USP31: variants seen among roughly 807,000 people sequenced by gnomAD.
The protein encoded by USP31 is ubiquitin specific peptidase 31.
USP31 carries 44 observed loss-of-function variants against 119.4 expected under a neutral mutation model. The ratio of observed to expected loss-of-function variants is 0.37; its 90% CI spans 0.29 to 0.47. The LOEUF is 0.47. USP31 is among the 20% of genes least tolerant of loss of function. USP31 has a pLI of 0.99. For synonymous variants in USP31, 749 were observed against 705.6 expected (o/e 1.06, Z -0.97); for missense variants, 1,643 against 1,730.2 (o/e 0.95, Z 0.89).
chr16:23,139,784 C>T (rs1903300690), intron 1 of USP31, among the ~76,000 whole-genome samples: 1 of 152,176 alleles, frequency 6.6e-6, no homozygotes, highest in Non-Finnish European at 1.5e-5. Context: ...CCCATATATT[C>T]AAATTAAATG....
At chr16:23,125,147 C>T (rs1567244178) in intron 1 of USP31, among the ~76,000 whole-genome samples, 1 of 152,174 alleles carries the variant, frequency 6.6e-6, no homozygotes, top group Non-Finnish European at 1.5e-5. Flanking sequence ...AAAATGTTTT[C>T]ACCACTCAGG....
Position 23,065,533 on chromosome 16 carries a change from A to G in USP31, c.*2513T>C, listed in dbSNP as rs1900031296. On this transcript the variant is annotated 3_prime_UTR_variant, in exon 16 of 16. Transcript: ENST00000219689. ...ATGAAATTTTCACTGTTTACCAACT[A>G]TGGAAATAAAATAGCTTCATGATGT... The G allele has an allele frequency of 6.6e-6, 1 of 152,616 alleles. No individual in the cohort carries two copies. The allele number at this position is 152,616 out of a possible 1,614,324, so 9.5% of individuals were successfully genotyped here.
intron 2 of USP31, 66 bp from the exon 3 acceptor site, chr16:23,106,553 A>G: frequency 6.9e-7 from 1 of 1,442,418 alleles, no homozygotes; most frequent in Non-Finnish European, 9.4e-7. Flanking sequence ...AGATGAAGCT[A>G]GAGAATCACA....
At chr16:23,110,673 C>A (rs191408189) in intron 1 of USP31, among the ~76,000 whole-genome samples, 2 of 152,244 alleles carry the variant, frequency 1.3e-5, no homozygotes, top group African/African-American at 4.8e-5. Flanking sequence ...TCTGTTGCCC[C>A]ACTTCCTATT....
intron 5 of USP31, among the ~76,000 whole-genome samples, chr16:23,105,053 G>A (rs940246404): frequency 1.3e-5 from 2 of 152,292 alleles, no homozygotes; most frequent in Admixed American, 6.5e-5. Flanking sequence ...CATCACAATG[G>A]GAAGGGGTTT....
rs901806585 is a variant in USP31, at chr16:23,107,962, T to C, written c.771+84A>G. On this transcript the variant is annotated intron_variant, in intron 2 of 15. Coordinates refer to ENST00000219689, the MANE Select transcript of USP31 (RefSeq NM_020718.4). ...CAGAGCTTAGTCAATTTCATTGTAT[T>C]AACGCAATGCAACAAGTCCTCAGTA... 3 of 1,479,058 alleles carry C rather than the reference T, an allele frequency of 2.0e-6. No individual in the cohort carries two copies. The African/African-American group carries it at 4.2e-5, about 21-fold the overall frequency. 91.6% of individuals were successfully genotyped at this position (1,479,058 alleles called of 1,614,324 possible). A position where few individuals can be genotyped will look rare whatever the true frequency, so the allele number is the denominator to read the frequency against.
At chr16:23,084,350 A>AT (rs1408021289) in intron 11 of USP31, among the ~76,000 whole-genome samples, 1 of 152,314 alleles carries the variant, frequency 6.6e-6, no homozygotes, top group South Asian at 2.1e-4. Context: ...TTTCTGGTCT[A>AT]TATCTACGCT....
intron 1 of USP31, 79 bp from the exon 2 acceptor site, chr16:23,108,262 AG>A: frequency 2.0e-6 from 3 of 1,505,266 alleles, no homozygotes; most frequent in Non-Finnish European, 1.8e-6. Context: ...TAATCGCAAA[AG>A]GGATGCAAGA....
chr16:23,117,146 T>C (rs2141884452), intron 1 of USP31, among the ~76,000 whole-genome samples: 1 of 152,324 alleles, frequency 6.6e-6, no homozygotes, highest in East Asian at 1.9e-4. Flanking sequence ...TTTCAGATTG[T>C]CAGATTTAGG....
In USP31 at chr16:23,126,808, G is replaced by T. The variant is rs149608273; in HGVS notation, c.634-18625C>A. Among the ~76,000 whole-genome samples the T allele has an allele frequency of 7.4e-3, 1,128 of 152,130 alleles. 15 individuals carry two copies. Among genetic ancestry groups the T allele is most frequent in the African/African-American group, 0.025 (1,038 of 41,506 alleles). On this transcript the variant is annotated intron_variant, in intron 1 of 15. Coordinates refer to ENST00000219689, the MANE Select transcript of USP31 (RefSeq NM_020718.4). ...ATAAGCACTCATACGTTAGCGACAC[G>T]AAGAAAAGCAAGAGGAGAAAATTAT...
At chr16:23,133,040 G>C (rs1283147652) in intron 1 of USP31, among the ~76,000 whole-genome samples, 1 of 152,160 alleles carries the variant, frequency 6.6e-6, no homozygotes. Flanking sequence ...CCACTATGAA[G>C]CATGTGACTG....
chr16:23,146,525 C>T (rs1903511669), intron 1 of USP31, among the ~76,000 whole-genome samples: 1 of 152,032 alleles, frequency 6.6e-6, no homozygotes, highest in South Asian at 2.1e-4. Flanking sequence ...GAGACTCCAT[C>T]TCAAAAATAA....
In USP31 at chr16:23,087,168, G is replaced by T. The variant is rs765308963; in HGVS notation, c.1546C>A (p.Arg516Ser). 1.9e-6 allele frequency: 3 copies of T among 1,613,240 alleles called. No individual in the cohort carries two copies. Among genetic ancestry groups the T allele is most frequent in the Non-Finnish European group, 2.5e-6 (3 of 1,179,708 alleles). Residue 516 changes from arginine (R) to serine (S), a missense_variant, in exon 9 of 16, where the codon CGT becomes AGT. By Grantham distance (110) the Arg-to-Ser change is moderately radical. Around this residue, in one of 5 missense-constraint regions of USP31, gnomAD observed 219 missense variants for 226.4 expected, o/e 0.97. Coordinates refer to ENST00000219689, the MANE Select transcript of USP31 (RefSeq NM_020718.4). Reference sequence around the variant, plus strand: ...GTTATTCCAACAACACTGACCACACGCAAGCTGAATGGACACACCTGCATC... The same window carrying T: ...GTTATTCCAACAACACTGACCACACTCAAGCTGAATGGACACACCTGCATC... ...VCIQVCPFSL[R>S]VVSVVGITYL... is the part of the protein sequence containing the mutation.
intron 13 of USP31, among the ~76,000 whole-genome samples, chr16:23,075,183 G>T (rs182855618): frequency 1.3e-4 from 20 of 152,320 alleles, no homozygotes; most frequent in Admixed American, 1.3e-3. Context: ...AGAAGGGAAA[G>T]AACTTAAAAT....
chr16:23,112,942 C>T (rs757850924), intron 1 of USP31, among the ~76,000 whole-genome samples: 1 of 151,192 alleles, frequency 6.6e-6, no homozygotes, highest in East Asian at 2.0e-4. Context: ...GCAGGAGAAT[C>T]GCTTGAACCT....
intron 11 of USP31, 123 bp downstream of exon 11, chr16:23,084,737 G>C (rs918195881): frequency 7.5e-6 from 10 of 1,325,770 alleles, no homozygotes; most frequent in African/African-American, 1.5e-5. Flanking sequence ...TACATGTGCA[G>C]ACTTACATAT....
intron 5 of USP31, 137 bp from the exon 6 acceptor site, chr16:23,102,600 C>CT: frequency 2.1e-6 from 2 of 954,470 alleles, no homozygotes; most frequent in South Asian, 4.3e-5. Flanking sequence ...CTTTATTTGC[C>CT]TTTAATGAGA....
At chr16:23,107,761 A>T (rs578259593) in intron 2 of USP31, among the ~76,000 whole-genome samples, 1 of 152,222 alleles carries the variant, frequency 6.6e-6, no homozygotes, top group Non-Finnish European at 1.5e-5. Flanking sequence ...CTTTAAAAAC[A>T]GTTTAGTGAA....
At chr16:23,107,955 A>T in intron 2 of USP31, 91 bp downstream of exon 2, 1 of 1,424,702 alleles carries the variant, frequency 7.0e-7, no homozygotes, top group South Asian at 1.6e-5. Flanking sequence ...AGTCAATTTC[A>T]TTGTATTAAC....
Sources: gnomAD v4.1 joint callset for allele counts (sites outside exome capture counted in the v4.1 genomes callset) on GRCh38, gnomAD v4.1.1 for gene constraint, gnomAD v4.1.1 regional missense constraint, MANE v1.5 for transcripts, NCBI Gene and HGNC (gene_info 2026-07-23, HGNC 2026-07-21) for gene names.